COX5A: variants seen among roughly 807,000 people sequenced by gnomAD.
COX5A encodes cytochrome c oxidase subunit 5A, mitochondrial.
COX5A carries 6 observed loss-of-function variants against 16.1 expected under a neutral mutation model. The ratio of observed to expected loss-of-function variants is 0.37; its 90% CI spans 0.20 to 0.73. The LOEUF (loss-of-function observed/expected upper bound fraction) is 0.73. COX5A is among the 30% of genes least tolerant of loss of function. The pLI is 0.50. For missense variants in COX5A, 159 were observed against 194.9 expected, an observed-to-expected ratio of 0.82 and a Z score of 1.10; for synonymous variants, 73 against 73.8, an observed-to-expected ratio of 0.99 and a Z score of 0.06.
chr15:74,927,384 C>G (rs983960005), intron 2 of COX5A, among the ~76,000 whole-genome samples: 10 of 152,006 alleles, frequency 6.6e-5, no homozygotes, highest in Admixed American at 1.3e-4. Flanking sequence ...AGCATCTTGG[C>G]CTGGCTGGCC....
At position 74,926,785 on chromosome 15, in the gene COX5A, C is replaced by T; in HGVS notation, c.320G>A (p.Arg107His). 5.6e-6 allele frequency: 9 copies of T among 1,612,092 alleles called. No homozygotes were observed. Among genetic ancestry groups the T allele is most frequent in the South Asian group, 1.1e-5 (1 of 90,628 alleles). Reference sequence around the variant, plus strand: ...ACTGACCTTAACAACCTCTAGGATACGAACTGTACTAGCAAAATCATTTAA... The same window carrying T: ...ACTGACCTTAACAACCTCTAGGATATGAACTGTACTAGCAAAATCATTTAA... ...RRLNDFASTV[R>H]ILEVVKDKAG... Residue 107 changes from arginine (R) to histidine (H), a missense_variant, in exon 3 of 5, where the codon CGT becomes CAT. Coordinates refer to ENST00000322347, the MANE Select transcript of COX5A (RefSeq NM_004255.4).
chr15:74,934,019 T>C (rs754302015), intron 1 of COX5A, among the ~76,000 whole-genome samples: 10 of 152,142 alleles, frequency 6.6e-5, no homozygotes, highest in Admixed American at 1.3e-4. Flanking sequence ...ACTAGAACTT[T>C]GAGAGGCCAA....
intron 4 of COX5A, among the ~76,000 whole-genome samples, chr15:74,923,048 C>T (rs1169952754): frequency 6.6e-6 from 1 of 152,172 alleles, no homozygotes; most frequent in African/African-American, 2.4e-5. Context: ...ACTATATTAT[C>T]ATCTATGCTA....
chr15:74,937,699 G>A (rs569012440), intron 1 of COX5A: 28 of 361,572 alleles, frequency 7.7e-5, no homozygotes, highest in Non-Finnish European at 1.4e-4. Flanking sequence ...TGTCCGCGGT[G>A]GCACAGCCAG....
At chr15:74,927,629 G>A (rs1321018724) in intron 2 of COX5A, among the ~76,000 whole-genome samples, 1 of 151,998 alleles carries the variant, frequency 6.6e-6, no homozygotes, top group Non-Finnish European at 1.5e-5. Flanking sequence ...AAAATTGGCC[G>A]GGCGTGGTGG....
chr15:74,931,706 A>C (rs1393457623), intron 1 of COX5A, among the ~76,000 whole-genome samples: 1 of 151,952 alleles, frequency 6.6e-6, no homozygotes, highest in Non-Finnish European at 1.5e-5. Flanking sequence ...GGCGAGCGCC[A>C]CTAAGCTTGG....
At chr15:74,921,730 A>T (rs2065321941) in intron 4 of COX5A, among the ~76,000 whole-genome samples, 1 of 151,942 alleles carries the variant, frequency 6.6e-6, no homozygotes, top group South Asian at 2.1e-4. Flanking sequence ...ACTCCGTCTC[A>T]AAACAACAAC....
intron 1 of COX5A, among the ~76,000 whole-genome samples, chr15:74,935,412 T>A (rs1291762578): frequency 1.3e-5 from 2 of 151,714 alleles, no homozygotes; most frequent in Non-Finnish European, 2.9e-5. Flanking sequence ...AGGGAGGCAC[T>A]CCTGAGCCCA....
chr15:74,927,457 G>A (rs1233060356), intron 2 of COX5A, among the ~76,000 whole-genome samples: 1 of 152,080 alleles, frequency 6.6e-6, no homozygotes, highest in African/African-American at 2.4e-5. Context: ...TTACAGGCAT[G>A]AGCCACCACA....
chr15:74,931,451 AGAT>A (rs373524680), intron 1 of COX5A, among the ~76,000 whole-genome samples: 13 of 152,122 alleles, frequency 8.5e-5, no homozygotes, highest in African/African-American at 3.1e-4. Context: ...AGGTGAGGTG[AGAT>A]GATGCCATTG....
rs373518476 is a variant in COX5A at position 74,931,075 on chromosome 15, T to C, written c.101-1843A>G. On this transcript the variant is annotated intron_variant, in intron 1 of 4. Transcript: ENST00000322347. The stretch of plus-strand genomic sequence containing the variant: ...TCATGTTATTATATTCCAAAATAAA[T>C]TACACATCCTGACAAATTACACATA... 2.9e-5 allele frequency among the ~76,000 whole-genome samples: 4 copies of C among 137,464 alleles called. No homozygotes were observed. The East Asian group carries it at 7.1e-4, about 25-fold the overall frequency. The allele number at this position is 137,464 out of a possible 152,430, so 90.2% of individuals were successfully genotyped here. A position where few individuals can be genotyped will look rare whatever the true frequency, so the allele number is the denominator to read the frequency against.
At chr15:74,936,143 T>C (rs2065388975) in intron 1 of COX5A, among the ~76,000 whole-genome samples, 1 of 151,600 alleles carries the variant, frequency 6.6e-6, no homozygotes, top group South Asian at 2.1e-4. Context: ...ACACAAAAAG[T>C]AGCCGGGCAT....
intron 3 of COX5A, among the ~76,000 whole-genome samples, chr15:74,926,216 A>G (rs1429142826): frequency 1.3e-5 from 2 of 150,668 alleles, no homozygotes; most frequent in Admixed American, 6.6e-5. Flanking sequence ...ATTTTTTTGT[A>G]TTTTTAGTAG....
chr15:74,935,123 T>C (rs569128759), intron 1 of COX5A, among the ~76,000 whole-genome samples: 1 of 152,220 alleles, frequency 6.6e-6, no homozygotes, highest in East Asian at 1.9e-4. Flanking sequence ...ACTGTAGGAA[T>C]GAGGGCACAT....
At chr15:74,927,735 G>T (rs1423288314) in intron 2 of COX5A, among the ~76,000 whole-genome samples, 1 of 152,028 alleles carries the variant, frequency 6.6e-6, no homozygotes, top group Non-Finnish European at 1.5e-5. Flanking sequence ...TCGCGCCATT[G>T]CACTCTAGCC....
chr15:74,925,410 G>C (rs992209162), intron 3 of COX5A, among the ~76,000 whole-genome samples: 1 of 151,942 alleles, frequency 6.6e-6, no homozygotes, highest in African/African-American at 2.4e-5. Context: ...TTTTGAGATG[G>C]AGTTTCTCTC....
Position 74,920,094 on chromosome 15 carries a change from G to C in COX5A, c.*358C>G, listed in dbSNP as rs57015557. On this transcript the variant is annotated 3_prime_UTR_variant, in exon 5 of 5. Coordinates refer to ENST00000322347, the MANE Select transcript of COX5A (RefSeq NM_004255.4). ...GAAAATTCTATATAAATGACTTCTA[G>C]CCTTCAGCTAATTTACAAGCTAGGG... is the stretch of plus-strand genomic sequence containing the variant. 0.017 allele frequency: 7,145 copies of C among 427,104 alleles called. 463 individuals carry two copies. The highest frequency in any genetic ancestry group is 0.14 in the African/African-American group (6,545 of 47,710). The allele number at this position is 427,104 out of a possible 1,614,324, so 26.5% of individuals were successfully genotyped here.
chr15:74,936,725 C>A (rs990688924), intron 1 of COX5A, among the ~76,000 whole-genome samples: 1 of 144,442 alleles, frequency 6.9e-6, no homozygotes. Context: ...CTCTCAGGTT[C>A]AAGCGATTCT....
intron 1 of COX5A, among the ~76,000 whole-genome samples, chr15:74,935,604 AAAAAAAATAAAT>A (rs1427229030): frequency 6.8e-6 from 1 of 147,314 alleles, no homozygotes; most frequent in Non-Finnish European, 1.5e-5. Flanking sequence ...ATCACCAAAA[AAAAAAAATAAAT>A]AAATAAATAA....
Sources: allele counts gnomAD v4.1 joint callset (sites outside exome capture counted in the v4.1 genomes callset), GRCh38; gene constraint gnomAD v4.1.1; transcripts MANE v1.5; gene names NCBI Gene and HGNC (gene_info 2026-07-23, HGNC 2026-07-21).